KATNAL1: variants seen among roughly 807,000 people sequenced by gnomAD.
KATNAL1 encodes the protein katanin p60 ATPase-containing subunit A-like 1.
Under a neutral mutation model 55.2 loss-of-function variants are expected in KATNAL1, and 32 were observed. That is an observed-to-expected ratio of 0.58 (90% CI 0.44 to 0.78). KATNAL1 has a LOEUF of 0.78. Ranked by LOEUF, KATNAL1 falls within the 30% of genes least tolerant of loss-of-function variation. KATNAL1 has a pLI of 0.00. For missense variants in KATNAL1, 466 were observed against 600.9 expected (o/e 0.78, Z 2.35); for synonymous variants, 193 against 193.6 (o/e 1.00, Z 0.02).
chr13:30,232,033 G>C (rs528589138), intron 6 of KATNAL1, among the ~76,000 whole-genome samples: 2 of 152,070 alleles, frequency 1.3e-5, no homozygotes, highest in African/African-American at 4.8e-5. Context: ...ATTTTAATGC[G>C]TTAGCTTATA....
In KATNAL1 at chr13:30,213,106, G is replaced by T. The variant is rs188846692; in HGVS notation, c.1148-2664C>A. 5.2e-3 allele frequency among the ~76,000 whole-genome samples: 788 copies of T among 152,254 alleles called. 10 individuals carry two copies. Among genetic ancestry groups the T allele is most frequent in the Non-Finnish European group, 6.0e-3 (407 of 68,018 alleles). On this transcript the variant is annotated intron_variant, in intron 9 of 10. Transcript: ENST00000380615. ...TTGTACTTCTAGCTTCCGGTACTAT[G>T]AGAAAATACAAACTACCATCAGAGA...
chr13:30,304,416 T>C lies in KATNAL1; in HGVS notation c.-15+2915A>G, dbSNP rs1883055713. On this transcript the variant is annotated intron_variant, in intron 1 of 10. Transcript: ENST00000380615. ...TCCTGAGTAGCTGGGACTATAGGTGTGCGCCACCATGTCTAGCTAATTTTT... is the reference window on the plus strand; with the variant it reads ...TCCTGAGTAGCTGGGACTATAGGTGCGCGCCACCATGTCTAGCTAATTTTT... Among the ~76,000 whole-genome samples, 4 of 152,026 alleles carry C rather than the reference T, an allele frequency of 2.6e-5. No individual in the cohort carries two copies. In the South Asian group the frequency reaches 8.3e-4, roughly 32 times the overall value.
chr13:30,303,286 CAA>C (rs1882975849), intron 1 of KATNAL1, among the ~76,000 whole-genome samples: 1 of 152,252 alleles, frequency 6.6e-6, no homozygotes, highest in Non-Finnish European at 1.5e-5. Flanking sequence ...ACTACTCTCA[CAA>C]TCTATGCCTT....
At chr13:30,239,684 G>GT (rs1566100241) in intron 6 of KATNAL1, among the ~76,000 whole-genome samples, 3 of 128,442 alleles carry the variant, frequency 2.3e-5, no homozygotes, top group Admixed American at 1.7e-4. Context: ...ATACAGAAGT[G>GT]ATTTTTTTTT....
rs143277319 is a variant in KATNAL1 at position 30,205,750 on chromosome 13, CTGTGTG to C, written c.*2784_*2789del. On this transcript the variant is annotated 3_prime_UTR_variant, in exon 11 of 11. Coordinates refer to ENST00000380615, the MANE Select transcript of KATNAL1 (RefSeq NM_032116.5). ...AACACACTGTCTTCTGCAATAAAGACTGTGTGTGTGTGTGTGTGTGTGTGTGTGTGT... is the reference window on the plus strand; with the variant it reads ...AACACACTGTCTTCTGCAATAAAGACTGTGTGTGTGTGTGTGTGTGTGTGT... 0.078 allele frequency: 10,775 copies of C among 137,420 alleles called. 608 individuals are homozygous for C. The highest frequency in any genetic ancestry group is 0.17 in the African/African-American group (6,277 of 35,884). 8.5% of individuals were successfully genotyped at this position (137,420 alleles called of 1,614,324 possible).
rs376382000 is a variant in KATNAL1, at chr13:30,219,395, TC to T, written c.1147+8016del. Reference sequence around the variant, plus strand: ...AAAATTCAGTTAAAATGCAACTTCCTCCATGAAGTCTCCCTTAAGTACACCA... The same window carrying T: ...AAAATTCAGTTAAAATGCAACTTCCTCATGAAGTCTCCCTTAAGTACACCA... On this transcript the variant is annotated intron_variant, in intron 9 of 10. Transcript: ENST00000380615. Among the ~76,000 whole-genome samples, 405 of 152,292 alleles carry T rather than the reference TC, an allele frequency of 2.7e-3. 1 individual carries two copies. Among genetic ancestry groups the T allele is most frequent in the Admixed American group, 0.015 (227 of 15,292 alleles).
chr13:30,226,845 G>A (rs1299817099), intron 9 of KATNAL1, among the ~76,000 whole-genome samples: 2 of 152,212 alleles, frequency 1.3e-5, no homozygotes, highest in Non-Finnish European at 2.9e-5. Flanking sequence ...ATGAGGCCGA[G>A]GCGGGAAATC....
chr13:30,288,303 C>G (rs144230684), intron 1 of KATNAL1, among the ~76,000 whole-genome samples: 41 of 152,252 alleles, frequency 2.7e-4, no homozygotes, highest in Non-Finnish European at 1.6e-4. Context: ...CCATTATTTG[C>G]AGATTAATCA....
chr13:30,291,100 A>G (rs964844189), intron 1 of KATNAL1, among the ~76,000 whole-genome samples: 1 of 152,222 alleles, frequency 6.6e-6, no homozygotes, highest in African/African-American at 2.4e-5. Flanking sequence ...AACCAGTGCA[A>G]TAAGGCGATA....
At chr13:30,248,723 G>C (rs188936173) in intron 4 of KATNAL1, among the ~76,000 whole-genome samples, 2 of 151,870 alleles carry the variant, frequency 1.3e-5, no homozygotes, top group East Asian at 1.9e-4. Context: ...TCAGGAGTTC[G>C]AGACCAGCCT....
At chr13:30,221,574 T>A (rs1450274665) in intron 9 of KATNAL1, among the ~76,000 whole-genome samples, 1 of 152,258 alleles carries the variant, frequency 6.6e-6, no homozygotes, top group Non-Finnish European at 1.5e-5. Flanking sequence ...AGTGGTAGAT[T>A]ATCCATTTCT....
chr13:30,230,660 A>G (rs73163470), intron 7 of KATNAL1, 66 bp from the exon 8 acceptor site: 225,024 of 1,258,050 alleles, frequency 0.18, 21,607 homozygotes, highest in Non-Finnish European at 0.2. Context: ...ATTTAAAAAA[A>G]TCTTTTAAAA....
chr13:30,279,071 G>A (rs1418428213), intron 3 of KATNAL1, among the ~76,000 whole-genome samples: 2 of 152,130 alleles, frequency 1.3e-5, no homozygotes, highest in African/African-American at 4.8e-5. Flanking sequence ...TACAGTTACT[G>A]GCCAAAGGAA....
intron 1 of KATNAL1, among the ~76,000 whole-genome samples, chr13:30,300,694 T>C (rs1028628656): frequency 4.6e-5 from 7 of 152,138 alleles, no homozygotes; most frequent in Middle Eastern, 3.2e-3. Context: ...ATCAACCAAA[T>C]AGTTAATTTT....
At chr13:30,232,382 A>C (rs1338248456) in intron 6 of KATNAL1, among the ~76,000 whole-genome samples, 1 of 152,224 alleles carries the variant, frequency 6.6e-6, no homozygotes, top group African/African-American at 2.4e-5. Flanking sequence ...TCAAAGTTTC[A>C]TAAACTCCAA....
intron 3 of KATNAL1, among the ~76,000 whole-genome samples, chr13:30,263,099 A>G (rs972378067): frequency 6.6e-6 from 1 of 152,216 alleles, no homozygotes; most frequent in African/African-American, 2.4e-5. Context: ...CAGCATATAA[A>G]CAGAACCATA....
Position 30,243,608 on chromosome 13 carries a change from C to CA in KATNAL1, c.493-2523dup, listed in dbSNP as rs139687662. On this transcript the variant is annotated intron_variant, in intron 4 of 10. Coordinates refer to ENST00000380615, the MANE Select transcript of KATNAL1 (RefSeq NM_032116.5). The stretch of plus-strand genomic sequence containing the variant: ...CCAACAGGCCTACTAGGTATTAAGC[C>CA]AAAAAAAAAAAAAAAAAAAAAAAAA... Among the ~76,000 whole-genome samples the CA allele has an allele frequency of 6.0e-3, 518 of 86,446 alleles. 4 individuals carry two copies. The highest frequency in any genetic ancestry group is 0.017 in the African/African-American group (291 of 17,068). The allele number at this position is 86,446 out of a possible 152,430, so 56.7% of individuals were successfully genotyped here. A position where few individuals can be genotyped will look rare whatever the true frequency, so the allele number is the denominator to read the frequency against.
chr13:30,213,125 T>A (rs1873854789), intron 9 of KATNAL1, among the ~76,000 whole-genome samples: 1 of 152,208 alleles, frequency 6.6e-6, no homozygotes, highest in South Asian at 2.1e-4. Flanking sequence ...CAAACTACCA[T>A]CAGAGAATAC....
intron 3 of KATNAL1, among the ~76,000 whole-genome samples, chr13:30,257,607 G>A (rs1317778244): frequency 2.0e-5 from 3 of 152,250 alleles, no homozygotes; most frequent in Non-Finnish European, 2.9e-5. Flanking sequence ...TTCAATGGCC[G>A]CCTAGGAGTC....
Sources: gnomAD v4.1 joint callset for allele counts (sites outside exome capture counted in the v4.1 genomes callset) on GRCh38, gnomAD v4.1.1 for gene constraint, MANE v1.5 for transcripts, NCBI Gene and HGNC (gene_info 2026-07-23, HGNC 2026-07-21) for gene names.